ADGRE1: variants seen among roughly 807,000 people sequenced by gnomAD.
ADGRE1 encodes adhesion G protein-coupled receptor E1.
ADGRE1 carries 82 observed loss-of-function variants against 102.7 expected under a neutral mutation model. The ratio of observed to expected loss-of-function variants is 0.80; its 90% CI spans 0.67 to 0.96. ADGRE1 has a LOEUF of 0.96. ADGRE1 is among the 40% of genes least tolerant of loss of function. The probability of loss-of-function intolerance (pLI) is 0.00; values close to 1 mark genes in which losing one functional copy is unlikely to be tolerated. For synonymous variants in ADGRE1, 398 were observed against 399.6 expected (o/e 1.00, Z 0.05); for missense variants, 1,032 against 1,085.3 (o/e 0.95, Z 0.69).
At chr19:6,903,644 A>G (rs1391460349) in intron 6 of ADGRE1, among the ~76,000 whole-genome samples, 166 bp from the exon 7 acceptor site, 1 of 152,200 alleles carries the variant, frequency 6.6e-6, no homozygotes, top group African/African-American at 2.4e-5. Context: ...TCCATGAGTG[A>G]AAAGTAGTCA....
Position 6,924,694 on chromosome 19 carries a change from A to C in ADGRE1, c.1808A>C (p.Tyr603Ser). ...SGELTMDFSLYIISHVGIIIS... is the reference protein window; with the variant it reads ...SGELTMDFSLSIISHVGIIIS... Reference sequence around the variant, plus strand: ...TCCTGACAGATGGACTTTTCCTTGTACATCATTAGCCATGTAGGCATTATC... The same window carrying C: ...TCCTGACAGATGGACTTTTCCTTGTCCATCATTAGCCATGTAGGCATTATC... The change falls in exon 15 of 21, where the codon TAC (tyrosine) becomes TCC (serine). Residue 603 changes from tyrosine to serine, a missense_variant. Tyr to Ser is a moderately radical substitution (Grantham distance 144, BLOSUM62 -2). Transcript: ENST00000312053. 1 of 1,613,916 alleles carries C rather than the reference A, an allele frequency of 6.2e-7. No homozygotes were observed. The highest frequency in any genetic ancestry group is 8.5e-7 in the Non-Finnish European group (1 of 1,179,872).
intron 15 of ADGRE1, 51 bp from the exon 16 acceptor site, chr19:6,926,315 C>A: frequency 1.3e-6 from 2 of 1,592,822 alleles, no homozygotes; most frequent in South Asian, 2.2e-5. Context: ...TTCTTCCTTT[C>A]GATTTCTCTC....
chr19:6,939,901 G>A, intron 20 of ADGRE1, 123 bp from the exon 21 acceptor site: 1 of 1,163,562 alleles, frequency 8.6e-7, no homozygotes, highest in Non-Finnish European at 1.3e-6. Flanking sequence ...ACATTTTAGT[G>A]TTTATCCTTC....
rs191019777 is a variant in ADGRE1, at chr19:6,897,803, T to C, written c.514+256T>C. ...AAAAATTTTTTATCTGGTTTAACAA[T>C]CTATATCTTTTAAGTGGAGCATTAG... On this transcript the variant is annotated intron_variant, in intron 5 of 20. Coordinates refer to ENST00000312053, the MANE Select transcript of ADGRE1 (RefSeq NM_001974.5). 8.7e-5 allele frequency: 22 copies of C among 252,782 alleles called. No homozygotes were observed. The Admixed American group carries it at 9.7e-4, about 11-fold the overall frequency. The allele number at this position is 252,782 out of a possible 1,614,324, so 15.7% of individuals were successfully genotyped here.
At chr19:6,929,441 G>A (rs1301016923) in intron 17 of ADGRE1, among the ~76,000 whole-genome samples, 6 of 152,182 alleles carry the variant, frequency 3.9e-5, no homozygotes, top group East Asian at 3.9e-4. Flanking sequence ...ATGCAAATGG[G>A]GTCTTTACTT....
intron 10 of ADGRE1, among the ~76,000 whole-genome samples, chr19:6,909,714 T>G (rs775068557): frequency 2.6e-5 from 4 of 152,066 alleles, no homozygotes; most frequent in African/African-American, 7.2e-5. Context: ...TGGTGGTTTT[T>G]TTTGTTTGTT....
intron 17 of ADGRE1, among the ~76,000 whole-genome samples, chr19:6,931,203 C>T (rs1196790168): frequency 3.9e-5 from 6 of 152,054 alleles, no homozygotes; most frequent in Non-Finnish European, 8.8e-5. Flanking sequence ...CTTTCTGTGC[C>T]TAGTTTCATT....
At chr19:6,936,505 G>C (rs1339862878) in intron 18 of ADGRE1, among the ~76,000 whole-genome samples, 1 of 151,370 alleles carries the variant, frequency 6.6e-6, no homozygotes, top group Admixed American at 6.6e-5. Flanking sequence ...GAAAATGTAA[G>C]CAATAAGTTT....
At chr19:6,904,217 CTG>C (rs774498522) in intron 8 of ADGRE1, 35 bp downstream of exon 8, 1 of 1,603,290 alleles carries the variant, frequency 6.2e-7, no homozygotes, top group East Asian at 2.2e-5. Context: ...GCAATGGAAT[CTG>C]TTTCTGGCTT....
At chr19:6,898,673 T>C (rs1599717566) in intron 5 of ADGRE1, 4 of 1,174,696 alleles carry the variant, frequency 3.4e-6, no homozygotes, top group East Asian at 2.3e-5. Context: ...AGCTGTCAAG[T>C]TGGATTCATC....
At chr19:6,912,133 C>T (rs1237697589) in intron 10 of ADGRE1, among the ~76,000 whole-genome samples, 1 of 151,902 alleles carries the variant, frequency 6.6e-6, no homozygotes, top group African/African-American at 2.4e-5. Context: ...AACACACATA[C>T]ATACATAGGC....
intron 6 of ADGRE1, among the ~76,000 whole-genome samples, chr19:6,903,570 G>A (rs1256523547): frequency 6.6e-6 from 1 of 152,124 alleles, no homozygotes; most frequent in African/African-American, 2.4e-5. Flanking sequence ...AGAGGGAGGA[G>A]AGAAGTCACA....
intron 17 of ADGRE1, among the ~76,000 whole-genome samples, chr19:6,934,571 C>T (rs1223060089): frequency 6.0e-5 from 9 of 149,910 alleles, no homozygotes; most frequent in Admixed American, 3.3e-4. Context: ...CAGGTGTGCA[C>T]CACCACACCT....
At chr19:6,897,044 C>T (rs1973579737) in intron 3 of ADGRE1, 105 bp from the exon 4 acceptor site, 2 of 1,143,614 alleles carry the variant, frequency 1.7e-6, no homozygotes, top group Non-Finnish European at 2.4e-6. Context: ...AAGTGAAGTG[C>T]ATATGGGATG....
intron 2 of ADGRE1, chr19:6,895,114 C>G (rs1312303924): frequency 6.6e-6 from 1 of 152,154 alleles, no homozygotes; most frequent in African/African-American, 2.4e-5. Context: ...GTGCCTTTTG[C>G]CTTGTTGCCT....
At chr19:6,890,623 G>A in intron 2 of ADGRE1, 80 bp downstream of exon 2, 9 of 1,468,476 alleles carry the variant, frequency 6.1e-6, no homozygotes, top group South Asian at 1.2e-5. Context: ...AGGAAGCTGA[G>A]CCTCATCCAG....
At chr19:6,927,320 CCTT>C (rs1019607146) in intron 16 of ADGRE1, among the ~76,000 whole-genome samples, 96 of 149,310 alleles carry the variant, frequency 6.4e-4, no homozygotes, top group African/African-American at 2.3e-3. Flanking sequence ...TTCCTCCCTC[CCTT>C]CTTTCCTTCT....
chr19:6,919,807 G>T lies in ADGRE1; in HGVS notation c.1620+60G>T, dbSNP rs1030572773. On this transcript the variant is annotated intron_variant, in intron 13 of 20. Transcript: ENST00000312053. The stretch of plus-strand genomic sequence containing the variant: ...ACCTGTTGGGAACTCCTCGTCTCTC[G>T]ATTGCCTTAACTCTCATTTTTTACG... The T allele has an allele frequency of 6.5e-6, 10 of 1,531,714 alleles. No homozygotes were observed. In the African/African-American group the frequency reaches 1.1e-4, roughly 17 times the overall value. 94.9% of individuals were successfully genotyped at this position (1,531,714 alleles called of 1,614,324 possible).
At chr19:6,937,169 C>A in intron 18 of ADGRE1, 74 bp from the exon 19 acceptor site, 1 of 1,526,314 alleles carries the variant, frequency 6.6e-7, no homozygotes, top group South Asian at 1.2e-5. Context: ...CACCTCAGAC[C>A]ATTCCTGGAA....
Sources: gnomAD v4.1 joint callset for allele counts (sites outside exome capture counted in the v4.1 genomes callset) on GRCh38, gnomAD v4.1.1 for gene constraint, MANE v1.5 for transcripts, NCBI Gene and HGNC (gene_info 2026-07-23, HGNC 2026-07-21) for gene names.